The following PCDHGB6 variants were observed in gnomAD, a reference collection of about 807,000 sequenced individuals.
PCDHGB6 encodes the protein protocadherin gamma subfamily B, 6.
In PCDHGB6, 51 loss-of-function variants were observed where a neutral mutation model predicts 59.1. The ratio of observed to expected loss-of-function variants is 0.86; its 90% CI spans 0.69 to 1.09. The LOEUF (loss-of-function observed/expected upper bound fraction) is 1.09. Ranked by LOEUF, PCDHGB6 falls within the 50% of genes least tolerant of loss-of-function variation. The pLI is 0.00. For synonymous variants in PCDHGB6, 466 were observed against 495.1 expected, an observed-to-expected ratio of 0.94 and a Z score of 0.78; for missense variants, 1,148 against 1,205.1, an observed-to-expected ratio of 0.95 and a Z score of 0.70.
At chr5:141,502,660 A>T (rs1423714257) in intron 2 of PCDHGB6, among the ~76,000 whole-genome samples, 2 of 152,208 alleles carry the variant, frequency 1.3e-5, no homozygotes, top group African/African-American at 4.8e-5. Flanking sequence ...GCAACCCTTC[A>T]TGCAATTTTA....
chr5:141,433,033 C>A, intron 1 of PCDHGB6: 2 of 1,614,164 alleles, frequency 1.2e-6, no homozygotes, highest in Non-Finnish European at 1.7e-6. Flanking sequence ...ACGAGGTTTC[C>A]CTCACCACGG....
Position 141,468,058 on chromosome 5 carries a change from C to T in PCDHGB6, c.2419-26749C>T, listed in dbSNP as rs993225792. ...TAGAAAACTAAGCCGGGCACAGTGG[C>T]TCACACCTGTAATCCCAGCACTTTG... On this transcript the variant is annotated intron_variant, in intron 1 of 3. Transcript: ENST00000520790. 1.1e-4 allele frequency among the ~76,000 whole-genome samples: 16 copies of T among 152,140 alleles called. 2 individuals carry two copies. The highest frequency in any genetic ancestry group is 5.2e-4 in the Admixed American group (8 of 15,276).
In PCDHGB6 at chr5:141,408,316, G is replaced by T. The variant is rs1407149479; in HGVS notation, c.114G>T (p.Pro38=). Residue 38 remains proline, a synonymous_variant, in exon 1 of 4, where the codon CCG becomes CCT. Coordinates refer to ENST00000520790, the MANE Select transcript of PCDHGB6 (RefSeq NM_018926.3). ...GTGAGCCGATCCGCTACTCGATTCC[G>T]GAGGAGCTGGCCAAGGGCTCGGTGG... ...TLSEPIRYSI[P]EELAKGSVVG... is the part of the protein sequence containing the mutation. 2 of 1,613,750 alleles carry T rather than the reference G, an allele frequency of 1.2e-6. No individual in the cohort carries two copies. Among genetic ancestry groups the T allele is most frequent in the African/African-American group, 1.3e-5 (1 of 74,944 alleles).
At chr5:141,473,974 C>A (rs958240236) in intron 1 of PCDHGB6, among the ~76,000 whole-genome samples, 1 of 152,054 alleles carries the variant, frequency 6.6e-6, no homozygotes, top group Non-Finnish European at 1.5e-5. Flanking sequence ...AAGTCTGAGG[C>A]GGGAGGATCC....
intron 2 of PCDHGB6, among the ~76,000 whole-genome samples, chr5:141,504,351 G>C (rs77439649): frequency 0.021 from 3,233 of 152,120 alleles, 109 homozygotes; most frequent in African/African-American, 0.075. Context: ...CTTTGTGCTA[G>C]GTGCTTCAGT....
Position 141,419,652 on chromosome 5 carries a change from C to T in PCDHGB6, c.2418+9032C>T, listed in dbSNP as rs563445438. 15 of 1,612,592 alleles carry T rather than the reference C, an allele frequency of 9.3e-6. 1 individual carries two copies. In the Admixed American group the frequency reaches 1.3e-4, roughly 14 times the overall value. On this transcript the variant is annotated intron_variant, in intron 1 of 3. Transcript: ENST00000520790. ...AAGGTGGTGGCCGTGGACGCGGACT[C>T]GGGGCACAATGCCTGGCTGTCCTAC... is the stretch of plus-strand genomic sequence containing the variant.
chr5:141,462,792 G>C (rs2099046915), intron 1 of PCDHGB6, among the ~76,000 whole-genome samples: 1 of 152,080 alleles, frequency 6.6e-6, no homozygotes, highest in Admixed American at 6.6e-5. Flanking sequence ...TTGCTTATTT[G>C]CATGTCTAAT....
rs538942740 is a variant in PCDHGB6, at chr5:141,409,961, C to G, written c.1759C>G (p.Leu587Val). 1.6e-5 allele frequency: 26 copies of G among 1,613,442 alleles called. No homozygotes were observed. Among genetic ancestry groups the G allele is most frequent in the Admixed American group, 8.3e-5 (5 of 60,032 alleles). ...ACCTCGCTCTGCAGAGCCCGGCTACCTAGTGACTAAGGTGGTAGCGGTGGA... is the reference window on the plus strand; with the variant it reads ...ACCTCGCTCTGCAGAGCCCGGCTACGTAGTGACTAAGGTGGTAGCGGTGGA... ...MVPRSAEPGY[L>V]VTKVVAVDAD... is the part of the protein sequence containing the mutation. Residue 587 changes from leucine (L) to valine (V), a missense_variant, in exon 1 of 4, where the codon CTA (leucine) becomes GTA (valine). Coordinates refer to ENST00000520790, the MANE Select transcript of PCDHGB6 (RefSeq NM_018926.3).
chr5:141,443,093 C>G (rs1316602934), intron 1 of PCDHGB6, among the ~76,000 whole-genome samples: 2 of 151,940 alleles, frequency 1.3e-5, no homozygotes, highest in African/African-American at 4.8e-5. Flanking sequence ...CAGTCTCCTT[C>G]TCAAGCTGAA....
At position 141,489,733 on chromosome 5, in the gene PCDHGB6, A is replaced by C; in HGVS notation, c.2419-5074A>C. ...TGCCCAGGATCCGGATGTGGGCACC[A>C]ATACTGTGAGCTTTTACACTCTAAG... On this transcript the variant is annotated intron_variant, in intron 1 of 3. Coordinates refer to ENST00000520790, the MANE Select transcript of PCDHGB6 (RefSeq NM_018926.3). This position sits in a 1 kb window ranked among gnomAD's most constrained non-coding sequence, Gnocchi z 4.5. 1 of 1,614,168 alleles carries C rather than the reference A, an allele frequency of 6.2e-7. No individual in the cohort carries two copies. The highest frequency in any genetic ancestry group is 1.1e-5 in the South Asian group (1 of 91,078).
rs532517723 is a variant in PCDHGB6, at chr5:141,486,244, A to G, written c.2419-8563A>G. The G allele has an allele frequency of 1.2e-5, 19 of 1,614,068 alleles. No homozygotes were observed. The Admixed American group carries it at 2.3e-4, about 20-fold the overall frequency. On this transcript the variant is annotated intron_variant, in intron 1 of 3. Coordinates refer to ENST00000520790, the MANE Select transcript of PCDHGB6 (RefSeq NM_018926.3). This position sits in a 1 kb window ranked among gnomAD's most constrained non-coding sequence, Gnocchi z 5.0. ...ACATCACAGTGACCTCAGAGCTTGGAACCCTCCCCGAGAGTGCAGAACCTG... is the reference window on the plus strand; with the variant it reads ...ACATCACAGTGACCTCAGAGCTTGGGACCCTCCCCGAGAGTGCAGAACCTG...
Position 141,440,827 on chromosome 5 carries a change from A to G in PCDHGB6, c.2418+30207A>G, listed in dbSNP as rs570022849. 7 of 152,196 alleles carry G rather than the reference A, an allele frequency of 4.6e-5. 1 individual carries two copies. The highest frequency in any genetic ancestry group is 1.4e-4 in the African/African-American group (6 of 41,526). 9.4% of individuals were successfully genotyped at this position (152,196 alleles called of 1,614,324 possible). A position where few individuals can be genotyped will look rare whatever the true frequency, so the allele number is the denominator to read the frequency against. ...GCAGCATCACTCAACTCCTGATCCT[A>G]TTGGTTGAAGCCAATGACAACCCTG... On this transcript the variant is annotated intron_variant, in intron 1 of 3. Transcript: ENST00000520790.
intron 1 of PCDHGB6, chr5:141,428,275 G>A (rs566455986): frequency 6.5e-6 from 5 of 767,218 alleles, no homozygotes; most frequent in African/African-American, 3.4e-5. Context: ...TGTGCCCTCT[G>A]ATTCCCAAGC....
chr5:141,423,561 C>G (rs959698297), intron 1 of PCDHGB6: 7 of 1,613,628 alleles, frequency 4.3e-6, no homozygotes, highest in Non-Finnish European at 5.9e-6. Flanking sequence ...ACTATGGGGA[C>G]ACGCTCATCA....
intron 1 of PCDHGB6, chr5:141,417,615 A>G (rs908930043): frequency 3.2e-6 from 2 of 629,140 alleles, no homozygotes; most frequent in Non-Finnish European, 5.1e-6. Flanking sequence ...CGGCCAGTGC[A>G]GAGCAAGCGC....
Position 141,489,273 on chromosome 5 carries a change from G to GA in PCDHGB6, c.2419-5531dup. The GA allele has an allele frequency of 6.4e-7, 1 of 1,555,870 alleles. No individual in the cohort carries two copies. The highest frequency in any genetic ancestry group is 2.2e-5 in the East Asian group (1 of 44,466). On this transcript the variant is annotated intron_variant, in intron 1 of 3. Coordinates refer to ENST00000520790, the MANE Select transcript of PCDHGB6 (RefSeq NM_018926.3). The surrounding 1 kb of genome is among the most constrained non-coding windows in gnomAD (Gnocchi z 4.5). ...CCAAGACACTCCCACAGCTCGCTGG[G>GA]AAATGGCAAGTGCTGTGCATGTTGT...
intron 1 of PCDHGB6, chr5:141,421,678 G>C (rs903229017): frequency 3.7e-6 from 6 of 1,613,776 alleles, no homozygotes; most frequent in Non-Finnish European, 5.1e-6. Context: ...AATTCCTGGG[G>C]CGCGATTTGC....
chr5:141,438,308 C>G (rs2097949954), intron 1 of PCDHGB6, among the ~76,000 whole-genome samples: 1 of 151,766 alleles, frequency 6.6e-6, no homozygotes, highest in Non-Finnish European at 1.5e-5. Context: ...GAAGTTGGTA[C>G]CACCATAATT....
chr5:141,420,540 A>G, intron 1 of PCDHGB6: 1 of 306,814 alleles, frequency 3.3e-6, no homozygotes, highest in Non-Finnish European at 5.7e-6. Context: ...AAAAATATAA[A>G]ATACAGGTAT....
Sources: gnomAD v4.1 joint callset for allele counts (sites outside exome capture counted in the v4.1 genomes callset) on GRCh38, gnomAD v4.1.1 for gene constraint, Gnocchi (gnomAD v3.1) non-coding constraint, MANE v1.5 for transcripts, NCBI Gene and HGNC (gene_info 2026-07-23, HGNC 2026-07-21) for gene names.